Variants in IL5RA observed in about 807,000 individuals in gnomAD.
The protein encoded by IL5RA is interleukin-5 receptor subunit alpha.
A neutral mutation model predicts 50.0 loss-of-function variants in IL5RA; 49 were observed. The observed-to-expected ratio is 0.98, with a 90% CI of 0.78 to 1.24. IL5RA has a LOEUF of 1.24. Ranked by LOEUF, IL5RA falls within the 50% of genes most tolerant of loss-of-function variation. The pLI, the probability that IL5RA is intolerant of heterozygous loss-of-function variation, is 0.00. For synonymous variants in IL5RA, 202 were observed against 174.0 expected (o/e 1.16, Z -1.26); for missense variants, 600 against 500.4 (o/e 1.20, Z -1.90).
intron 9 of IL5RA, among the ~76,000 whole-genome samples, chr3:3,087,920 T>C (rs996983562): frequency 1.3e-5 from 2 of 152,188 alleles, no homozygotes; most frequent in African/African-American, 4.8e-5. Context: ...AAAGTCTACA[T>C]TGATTAAATT....
chr3:3,082,177 G>T (rs1046477187), intron 9 of IL5RA, among the ~76,000 whole-genome samples: 1 of 151,998 alleles, frequency 6.6e-6, no homozygotes, highest in African/African-American at 2.4e-5. Flanking sequence ...ACATTCTTTG[G>T]GTCAAAATGA....
rs1702142323 is a variant in IL5RA at position 3,066,577 on chromosome 3, T to C, written c.*3648A>G. 1 of 152,226 alleles carries C rather than the reference T, an allele frequency of 6.6e-6. No homozygotes were observed. Among genetic ancestry groups the C allele is most frequent in the Non-Finnish European group, 1.5e-5 (1 of 68,034 alleles). The allele number at this position is 152,226 out of a possible 1,614,324, so 9.4% of individuals were successfully genotyped here. A position where few individuals can be genotyped will look rare whatever the true frequency, so the allele number is the denominator to read the frequency against. On this transcript the variant is annotated 3_prime_UTR_variant, in exon 12 of 12. Coordinates refer to ENST00000446632, the MANE Select transcript of IL5RA (RefSeq NM_175726.4). ...TCACCTTTACTTGTGCCATCAGAGA[T>C]TGTTTTCAGTTCTCTGTTCTCACTT...
rs1402847973 is a variant in IL5RA, at chr3:3,092,169, A to G, written c.994+55T>C. 23 of 1,593,230 alleles carry G rather than the reference A, an allele frequency of 1.4e-5. No homozygotes were observed. Among genetic ancestry groups the G allele is most frequent in the Admixed American group, 3.5e-5 (2 of 56,356 alleles). Reference sequence around the variant, plus strand: ...AGTGAACGGGTACGTTTCTGGGATTACCTTTTTTGATCACAAGGAAGGCTG... The same window carrying G: ...AGTGAACGGGTACGTTTCTGGGATTGCCTTTTTTGATCACAAGGAAGGCTG... On this transcript the variant is annotated intron_variant, in intron 9 of 11. Coordinates refer to ENST00000446632, the MANE Select transcript of IL5RA (RefSeq NM_175726.4). The surrounding 1 kb of genome is among the most constrained non-coding windows in gnomAD (Gnocchi z 4.2).
chr3:3,092,271 C>T lies in IL5RA; in HGVS notation c.947G>A (p.Cys316Tyr). Residue 316 changes from cysteine to tyrosine, a missense_variant, in exon 9 of 12, where the codon TGC becomes TAC. Transcript: ENST00000446632. This position sits in a 1 kb window ranked among gnomAD's most constrained non-coding sequence, Gnocchi z 4.2. ...CTCACTCCAGAGCCCTGCCTCTCTG[C>T]ACATGGAGCTCACTGCTGCTCTCAC... ...VQVRAAVSSMCREAGLWSEWS... is the reference protein window; with the variant it reads ...VQVRAAVSSMYREAGLWSEWS... 1 of 1,614,158 alleles carries T rather than the reference C, an allele frequency of 6.2e-7. No individual in the cohort carries two copies. Among genetic ancestry groups the T allele is most frequent in the East Asian group, 2.2e-5 (1 of 44,884 alleles).
At position 3,109,609 on chromosome 3, in the gene IL5RA, A is replaced by C. The variant is rs17882226; in HGVS notation, c.-146+336T>G. The stretch of plus-strand genomic sequence containing the variant: ...ATGACTCACCTTGCCACGGATTTGC[A>C]CATCTCACTTACTGAGCCAAAACAC... On this transcript the variant is annotated intron_variant, in intron 1 of 11. Coordinates refer to ENST00000446632, the MANE Select transcript of IL5RA (RefSeq NM_175726.4). Among the ~76,000 whole-genome samples, 672 of 152,294 alleles carry C rather than the reference A, an allele frequency of 4.4e-3. 7 individuals are homozygous for C. Among genetic ancestry groups the C allele is most frequent in the African/African-American group, 0.015 (638 of 41,572 alleles).
At chr3:3,075,793 G>A (rs892910193) in intron 10 of IL5RA, among the ~76,000 whole-genome samples, 4 of 151,748 alleles carry the variant, frequency 2.6e-5, no homozygotes, top group Admixed American at 2.0e-4. Flanking sequence ...GTAGAGACGG[G>A]GTTTCACCAC....
At chr3:3,104,409 A>T (rs2125985730) in intron 3 of IL5RA, among the ~76,000 whole-genome samples, 1 of 152,350 alleles carries the variant, frequency 6.6e-6, no homozygotes, top group East Asian at 1.9e-4. Context: ...ACATATGGCT[A>T]GTGGCTACTG....
chr3:3,098,571 C>T (rs1004328143), intron 5 of IL5RA, among the ~76,000 whole-genome samples: 9 of 152,048 alleles, frequency 5.9e-5, no homozygotes, highest in Non-Finnish European at 1.3e-4. Flanking sequence ...CCACACCTGG[C>T]TAATTTTTGT....
Position 3,098,208 on chromosome 3 carries a change from T to C in IL5RA, c.450A>G (p.Gln150=), listed in dbSNP as rs1703455473. 1.2e-6 allele frequency: 2 copies of C among 1,614,116 alleles called. No homozygotes were observed. Among genetic ancestry groups the C allele is most frequent in the Non-Finnish European group, 1.7e-6 (2 of 1,179,972 alleles). ...EDNYSRLRSY[Q]VSLHCTWLVG... is the part of the protein sequence containing the mutation. Reference sequence around the variant, plus strand: ...CAAGCCAGGTGCAGTGAAGGGAAACTTGGTATGACCTTAAACGTGAATAAT... The same window carrying C: ...CAAGCCAGGTGCAGTGAAGGGAAACCTGGTATGACCTTAAACGTGAATAAT... Residue 150 remains glutamine, a synonymous_variant, in exon 6 of 12, where the codon CAA becomes CAG. Transcript: ENST00000446632.
At chr3:3,102,412 G>A (rs1020071340) in intron 4 of IL5RA, among the ~76,000 whole-genome samples, 1 of 152,114 alleles carries the variant, frequency 6.6e-6, no homozygotes, top group African/African-American at 2.4e-5. Flanking sequence ...CCAATCCATG[G>A]TGCCTAAAAA....
chr3:3,102,449 A>G (rs1034197081), intron 4 of IL5RA, among the ~76,000 whole-genome samples: 1 of 152,248 alleles, frequency 6.6e-6, no homozygotes, highest in African/African-American at 2.4e-5. Context: ...CCTTAAGGGA[A>G]AGAATCATCC....
rs145596269 is a variant in IL5RA at position 3,102,726 on chromosome 3, C to T, written c.177G>A (p.Arg59=). ...TCACTTGATATTCTAGATTAACATTCCTTTGCTCTTGATCAGGATTTGGTT... is the reference window on the plus strand; with the variant it reads ...TCACTTGATATTCTAGATTAACATTTCTTTGCTCTTGATCAGGATTTGGTT... The part of the protein sequence containing the change: ...QWKPNPDQEQ[R]NVNLEYQVKI... The change falls in exon 4 of 12, where the codon AGG becomes AGA. Residue 59 remains arginine, a synonymous_variant. Transcript: ENST00000446632. The T allele has an allele frequency of 1.2e-6, 2 of 1,609,460 alleles. No individual in the cohort carries two copies. The highest frequency in any genetic ancestry group is 1.7e-6 in the Non-Finnish European group (2 of 1,176,664).
intron 2 of IL5RA, among the ~76,000 whole-genome samples, chr3:3,107,395 ACAG>A (rs1429873322): frequency 6.0e-5 from 9 of 150,888 alleles, no homozygotes; most frequent in African/African-American, 1.5e-4. Flanking sequence ...AACAACAACA[ACAG>A]CAACAACAAA....
In IL5RA at chr3:3,108,543, G is replaced by T. The variant is rs1258503375; in HGVS notation, c.-4+7C>A. On this transcript the variant is annotated splice_region_variant and intron_variant, in intron 2 of 11. Coordinates refer to ENST00000446632, the MANE Select transcript of IL5RA (RefSeq NM_175726.4). ...TTGTCATCTCACATCCATGCTCCTGGGCGTACCTGTCTACAGACGATCCTC... is the reference window on the plus strand; with the variant it reads ...TTGTCATCTCACATCCATGCTCCTGTGCGTACCTGTCTACAGACGATCCTC... 1 of 152,176 alleles carries T rather than the reference G, an allele frequency of 6.6e-6. No homozygotes were observed. Among genetic ancestry groups the T allele is most frequent in the East Asian group, 1.9e-4 (1 of 5,200 alleles). 9.4% of individuals were successfully genotyped at this position (152,176 alleles called of 1,614,324 possible).
chr3:3,090,914 C>T (rs973456559), intron 9 of IL5RA, among the ~76,000 whole-genome samples: 7 of 152,162 alleles, frequency 4.6e-5, no homozygotes, highest in African/African-American at 1.2e-4. Context: ...TGCAATACCA[C>T]ATGTCCTGGG....
chr3:3,096,997 A>G (rs759293710), intron 7 of IL5RA, among the ~76,000 whole-genome samples: 6 of 152,236 alleles, frequency 3.9e-5, no homozygotes, highest in Non-Finnish European at 7.3e-5. Flanking sequence ...CAGCTTGTCC[A>G]AGGTCACTCA....
At chr3:3,072,626 A>T (rs1427384542) in intron 11 of IL5RA, among the ~76,000 whole-genome samples, 1 of 152,228 alleles carries the variant, frequency 6.6e-6, no homozygotes, top group Non-Finnish European at 1.5e-5. Flanking sequence ...TTGGCTGCTT[A>T]AACTAGATGT....
chr3:3,096,640 T>A (rs1161392348), intron 7 of IL5RA, among the ~76,000 whole-genome samples: 2 of 152,230 alleles, frequency 1.3e-5, no homozygotes, highest in Non-Finnish European at 2.9e-5. Flanking sequence ...ATATCCATTT[T>A]CATATTAATA....
intron 11 of IL5RA, among the ~76,000 whole-genome samples, chr3:3,071,399 G>A (rs528915979): frequency 9.8e-5 from 15 of 152,330 alleles, no homozygotes; most frequent in South Asian, 6.2e-4. Flanking sequence ...TGAAGCAGGC[G>A]CATAGCTTGA....
Sources: allele counts gnomAD v4.1 joint callset (sites outside exome capture counted in the v4.1 genomes callset), GRCh38; gene constraint gnomAD v4.1.1; non-coding constraint Gnocchi (gnomAD v3.1); transcripts MANE v1.5; gene names NCBI Gene and HGNC (gene_info 2026-07-23, HGNC 2026-07-21).